PRKCB: variants seen among roughly 807,000 people sequenced by gnomAD.
PRKCB encodes protein kinase C beta, also known as protein kinase C beta type.
Under a neutral mutation model 81.5 loss-of-function variants are expected in PRKCB, and 13 were observed. The ratio of observed to expected loss-of-function variants is 0.16; its 90% CI spans 0.10 to 0.25. The LOEUF (loss-of-function observed/expected upper bound fraction) is 0.25, where lower values mean the gene tolerates loss of function less well. Among genes scored for constraint, PRKCB ranks in the 10% least tolerant of loss-of-function variants. The pLI, the probability that PRKCB is intolerant of heterozygous loss-of-function variation, is 1.00. For missense variants in PRKCB, 509 were observed against 875.7 expected (o/e 0.58, Z 5.29); for synonymous variants, 335 against 321.4 (o/e 1.04, Z -0.45).
chr16:24,191,845 T>C (rs186424897), intron 16 of PRKCB, among the ~76,000 whole-genome samples: 3 of 152,332 alleles, frequency 2.0e-5, no homozygotes, highest in Admixed American at 6.5e-5. Flanking sequence ...AGAATAAAAC[T>C]CTCACATTTC....
intron 9 of PRKCB, among the ~76,000 whole-genome samples, chr16:24,134,252 TTCTC>T (rs987344990): frequency 6.6e-5 from 10 of 152,114 alleles, no homozygotes; most frequent in African/African-American, 1.7e-4. Flanking sequence ...TTCCTTCCCT[TTCTC>T]TCTTTTTGAC....
rs547792738 is a variant in PRKCB, at chr16:23,995,480, C to T, written c.288+6890C>T. Among the ~76,000 whole-genome samples the T allele has an allele frequency of 5.2e-4, 79 of 152,150 alleles. 1 individual carries two copies. The highest frequency in any genetic ancestry group is 9.8e-4 in the Non-Finnish European group (67 of 68,028). Reference sequence around the variant, plus strand: ...TTTTGGAATATAGTCCTGCCATAATCCACAGATAGCTAGTTTCCTATTAAG... The same window carrying T: ...TTTTGGAATATAGTCCTGCCATAATTCACAGATAGCTAGTTTCCTATTAAG... On this transcript the variant is annotated intron_variant, in intron 3 of 16. Coordinates refer to ENST00000643927, the MANE Select transcript of PRKCB (RefSeq NM_002738.7).
At chr16:24,099,895 C>T (rs969345499) in intron 7 of PRKCB, 2 of 149,972 alleles carry the variant, frequency 1.3e-5, no homozygotes, top group East Asian at 2.0e-4. Flanking sequence ...AATTGCTTGA[C>T]GCAGGAGGCG....
intron 5 of PRKCB, among the ~76,000 whole-genome samples, chr16:24,086,275 G>A (rs926991636): frequency 6.6e-6 from 1 of 152,164 alleles, no homozygotes; most frequent in Non-Finnish European, 1.5e-5. Context: ...GTATGGCAGG[G>A]CAGGGGGGTT....
At chr16:23,848,700 C>T (rs1165938479) in intron 2 of PRKCB, among the ~76,000 whole-genome samples, 3 of 152,154 alleles carry the variant, frequency 2.0e-5, no homozygotes, top group East Asian at 1.9e-4. Context: ...AGAAAGGCTT[C>T]GATTTAAATC....
At chr16:23,855,666 C>T (rs2141086038) in intron 2 of PRKCB, among the ~76,000 whole-genome samples, 2 of 152,276 alleles carry the variant, frequency 1.3e-5, no homozygotes, top group South Asian at 4.1e-4. Context: ...CTCTTGGGAA[C>T]AACATCTATA....
chr16:23,973,462 C>T (rs1308545004), intron 2 of PRKCB, among the ~76,000 whole-genome samples: 1 of 151,806 alleles, frequency 6.6e-6, no homozygotes, highest in South Asian at 2.1e-4. Flanking sequence ...GGATTACAGG[C>T]GTGAGCCACC....
intron 5 of PRKCB, among the ~76,000 whole-genome samples, chr16:24,047,860 G>A (rs1031642155): frequency 2.6e-5 from 4 of 152,198 alleles, no homozygotes; most frequent in Non-Finnish European, 5.9e-5. Flanking sequence ...CAGCACTGTG[G>A]GGTCAGAATC....
intron 2 of PRKCB, among the ~76,000 whole-genome samples, chr16:23,903,047 G>T (rs1056343523): frequency 1.3e-4 from 19 of 146,520 alleles, no homozygotes; most frequent in African/African-American, 4.4e-4. Flanking sequence ...TGCATGGCTG[G>T]TCTCAAACTC....
At position 23,846,826 on chromosome 16, in the gene PRKCB, T is replaced by C. The variant is rs1044919860; in HGVS notation, c.205+9420T>C. The stretch of plus-strand genomic sequence containing the variant: ...AAGGATGCTCAGTGTTCCTGAAGGT[T>C]GAGAGGAACAGCAAGGACAGGATCT... On this transcript the variant is annotated intron_variant, in intron 2 of 16. Coordinates refer to ENST00000643927, the MANE Select transcript of PRKCB (RefSeq NM_002738.7). Among the ~76,000 whole-genome samples the C allele has an allele frequency of 2.0e-5, 3 of 152,010 alleles. No individual in the cohort carries two copies. In the East Asian group the frequency reaches 5.8e-4, roughly 29 times the overall value.
chr16:24,020,373 A>G (rs1965342636), intron 3 of PRKCB, among the ~76,000 whole-genome samples: 1 of 152,230 alleles, frequency 6.6e-6, no homozygotes, highest in African/African-American at 2.4e-5. Flanking sequence ...GGTTTTTGCC[A>G]TTACTTTCAA....
At chr16:24,006,128 A>G (rs1367958590) in intron 3 of PRKCB, among the ~76,000 whole-genome samples, 1 of 152,164 alleles carries the variant, frequency 6.6e-6, no homozygotes, top group African/African-American at 2.4e-5. Context: ...AAAGTGCACC[A>G]TCCTGCTGAA....
At chr16:23,865,549 GTGTGTGTGTGTGTGTGTGTGTATA>G (rs1381526325) in intron 2 of PRKCB, among the ~76,000 whole-genome samples, 5 of 71,750 alleles carry the variant, frequency 7.0e-5, no homozygotes, top group East Asian at 4.6e-4. Flanking sequence ...GTGTGTGTGT[GTGTGTGTGTGTGTGTGTGTGTATA>G]TGTATATTTA....
At chr16:24,135,909 G>C (rs1966863123) in intron 9 of PRKCB, among the ~76,000 whole-genome samples, 1 of 152,084 alleles carries the variant, frequency 6.6e-6, no homozygotes, top group Non-Finnish European at 1.5e-5. Context: ...TTTATCATAT[G>C]GTTCACAGAT....
chr16:23,882,010 CTTTCTTT>C, intron 2 of PRKCB, among the ~76,000 whole-genome samples: 27 of 103,854 alleles, frequency 2.6e-4, no homozygotes, highest in African/African-American at 9.9e-4. Context: ...TTCTTTCTTT[CTTTCTTT>C]CTTTCTTCCT....
chr16:23,868,295 CAA>C (rs1210298283), intron 2 of PRKCB, among the ~76,000 whole-genome samples: 2 of 152,132 alleles, frequency 1.3e-5, no homozygotes, highest in Admixed American at 1.3e-4. Flanking sequence ...GAATGGGAAG[CAA>C]AAAATAAAAC....
intron 2 of PRKCB, among the ~76,000 whole-genome samples, chr16:23,925,625 T>A (rs879352036): frequency 1.3e-4 from 20 of 152,052 alleles, no homozygotes; most frequent in Admixed American, 9.8e-4. Context: ...TTAAATTTTT[T>A]AAAAAAAGTT....
intron 2 of PRKCB, among the ~76,000 whole-genome samples, chr16:23,921,293 A>G (rs759574361): frequency 6.6e-6 from 1 of 152,156 alleles, no homozygotes; most frequent in Non-Finnish European, 1.5e-5. Context: ...CATCTTTCAA[A>G]TGGCAATATT....
chr16:23,888,711 G>T (rs995632297), intron 2 of PRKCB, among the ~76,000 whole-genome samples: 6 of 152,092 alleles, frequency 3.9e-5, no homozygotes, highest in African/African-American at 1.4e-4. Flanking sequence ...GGTTGGCCAG[G>T]GCTTGATAAT....
Sources: allele counts gnomAD v4.1 joint callset (sites outside exome capture counted in the v4.1 genomes callset), GRCh38; gene constraint gnomAD v4.1.1; transcripts MANE v1.5; gene names NCBI Gene and HGNC (gene_info 2026-07-23, HGNC 2026-07-21).